The following SPINK5 variants were observed in gnomAD, a reference collection of about 807,000 sequenced individuals.
The protein encoded by SPINK5 is serine peptidase inhibitor Kazal type 5.
A neutral mutation model predicts 151.8 loss-of-function variants in SPINK5; 125 were observed. The ratio of observed to expected loss-of-function variants is 0.82; its 90% CI spans 0.71 to 0.96. The LOEUF (loss-of-function observed/expected upper bound fraction) is 0.96, where lower values mean the gene tolerates loss of function less well. Ranked by LOEUF, SPINK5 falls within the 40% of genes least tolerant of loss-of-function variation. The pLI is 0.00. For synonymous variants in SPINK5, 374 were observed against 395.3 expected (o/e 0.95, Z 0.64); for missense variants, 1,194 against 1,291.9 (o/e 0.92, Z 1.16).
At chr5:148,073,136 A>T (rs1181584219) in intron 4 of SPINK5, among the ~76,000 whole-genome samples, 2 of 151,918 alleles carry the variant, frequency 1.3e-5, no homozygotes, top group Non-Finnish European at 2.9e-5. Flanking sequence ...CACTACTCAC[A>T]TCACCCCAGG....
chr5:148,103,621 G>T (rs1753703445), intron 15 of SPINK5, among the ~76,000 whole-genome samples: 1 of 151,992 alleles, frequency 6.6e-6, no homozygotes, highest in South Asian at 2.1e-4. Flanking sequence ...CATAATTTTA[G>T]ATCTATTTTA....
chr5:148,068,702 T>C (rs1437251580), intron 2 of SPINK5, among the ~76,000 whole-genome samples: 2 of 152,048 alleles, frequency 1.3e-5, no homozygotes, highest in African/African-American at 4.8e-5. Flanking sequence ...AAGCAAAAGC[T>C]TTGTTTATTT....
chr5:148,067,335 A>C (rs1407248376), intron 2 of SPINK5, among the ~76,000 whole-genome samples: 1 of 152,164 alleles, frequency 6.6e-6, no homozygotes, highest in Non-Finnish European at 1.5e-5. Context: ...ACATGCTGAG[A>C]AAAAGAGAAT....
intron 12 of SPINK5, 60 bp from the exon 13 acceptor site, chr5:148,100,394 A>C: frequency 6.4e-7 from 1 of 1,558,236 alleles, no homozygotes; most frequent in Non-Finnish European, 8.8e-7. Context: ...TAGATGTTTG[A>C]ACCTTCTGCT....
chr5:148,127,065 T>G lies in SPINK5; in HGVS notation c.2950T>G (p.Ser984Ala). The change falls in exon 30 of 33, where the codon TCT becomes GCT. Residue 984 changes from serine (S) to alanine (A), a missense_variant. Coordinates refer to ENST00000256084, the MANE Select transcript of SPINK5 (RefSeq NM_006846.4). ...TTCTCAAGAGGAAGACAGCCCAGACTCTTTCAGTTCTCTGGTAAGGAGGAC... is the reference window on the plus strand; with the variant it reads ...TTCTCAAGAGGAAGACAGCCCAGACGCTTTCAGTTCTCTGGTAAGGAGGAC... ...RASQEEDSPD[S>A]FSSLDSEMCK... 6.2e-7 allele frequency: 1 copy of G among 1,613,170 alleles called. No homozygotes were observed. The highest frequency in any genetic ancestry group is 8.5e-7 in the Non-Finnish European group (1 of 1,179,434).
intron 30 of SPINK5, among the ~76,000 whole-genome samples, chr5:148,130,256 T>C (rs1345952139): frequency 6.6e-6 from 1 of 151,970 alleles, no homozygotes; most frequent in Non-Finnish European, 1.5e-5. Context: ...TCTTTGTGAT[T>C]CATTTCATTT....
At chr5:148,119,347 T>C (rs1009590559) in intron 24 of SPINK5, among the ~76,000 whole-genome samples, 1 of 152,198 alleles carries the variant, frequency 6.6e-6, no homozygotes, top group African/African-American at 2.4e-5. Flanking sequence ...ATTTCGTAGA[T>C]AGGGAAAATG....
intron 26 of SPINK5, among the ~76,000 whole-genome samples, chr5:148,121,361 C>T (rs1329680662): frequency 1.3e-5 from 2 of 151,662 alleles, no homozygotes; most frequent in African/African-American, 4.8e-5. Context: ...AGCGAAATTT[C>T]CCTGGGAAGA....
intron 16 of SPINK5, 105 bp downstream of exon 16, chr5:148,105,105 C>T (rs1753748023): frequency 7.8e-7 from 1 of 1,283,682 alleles, no homozygotes. Flanking sequence ...ATTTTCATGC[C>T]TGAAATAAAT....
intron 17 of SPINK5, 142 bp downstream of exon 17, chr5:148,107,306 A>C: frequency 8.6e-7 from 1 of 1,157,156 alleles, no homozygotes; most frequent in Non-Finnish European, 1.3e-6. Flanking sequence ...GACATTAAGT[A>C]ATATTGAATC....
chr5:148,124,998 G>A, intron 28 of SPINK5, 161 bp downstream of exon 28: 1 of 1,064,514 alleles, frequency 9.4e-7, no homozygotes, highest in Non-Finnish European at 1.2e-6. Flanking sequence ...GATTTTTGGG[G>A]GTTTGGGGGT....
At chr5:148,070,578 A>C in intron 3 of SPINK5, 128 bp downstream of exon 3, 1 of 1,193,916 alleles carries the variant, frequency 8.4e-7, no homozygotes, top group African/African-American at 1.5e-5. Flanking sequence ...AGTGCTGAGC[A>C]GATCACTCTG....
intron 31 of SPINK5, 39 bp downstream of exon 31, chr5:148,131,428 G>GAT (rs758949422): frequency 6.2e-7 from 1 of 1,612,728 alleles, no homozygotes; most frequent in Admixed American, 1.7e-5. Flanking sequence ...TTCCAGTTTA[G>GAT]AATTTCTCAG....
intron 29 of SPINK5, 33 bp downstream of exon 29, chr5:148,125,883 A>G (rs1754418837): frequency 1.9e-6 from 3 of 1,613,830 alleles, no homozygotes; most frequent in Non-Finnish European, 2.5e-6. Flanking sequence ...CCCTGTAGCT[A>G]GCAGGGGAAC....
In SPINK5 at chr5:148,070,333, A is replaced by G. The variant is rs1752703984; in HGVS notation, c.92A>G (p.His31Arg). The G allele has an allele frequency of 1.2e-6, 2 of 1,612,354 alleles. No individual in the cohort carries two copies. Among genetic ancestry groups the G allele is most frequent in the South Asian group, 1.1e-5 (1 of 91,068 alleles). Residue 31 changes from histidine to arginine, a missense_variant, in exon 3 of 33, where the codon CAT (histidine) becomes CGT (arginine). By Grantham distance (29) the His-to-Arg change is conservative. Transcript: ENST00000256084. Reference protein sequence around the residue: ...ASKNEDQEMCHEFQAFMKNGK... With the variant: ...ASKNEDQEMCREFQAFMKNGK... The stretch of plus-strand genomic sequence containing the variant: ...TTGGCATTATCTTAGGAAATGTGCC[A>G]TGAATTTCAGGCATTTATGAAAAAT...
chr5:148,066,110 G>A (rs988485077), intron 2 of SPINK5, among the ~76,000 whole-genome samples: 4 of 152,168 alleles, frequency 2.6e-5, no homozygotes, highest in African/African-American at 9.7e-5. Flanking sequence ...AAGGTCATAA[G>A]GGAATGAACC....
At chr5:148,101,102 A>T (rs1753630301) in intron 13 of SPINK5, among the ~76,000 whole-genome samples, 1 of 121,116 alleles carries the variant, frequency 8.3e-6, no homozygotes, top group South Asian at 2.7e-4. Flanking sequence ...TTTAAATCCC[A>T]AGTCTGTACT....
Position 148,114,381 on chromosome 5 carries a change from G to A in SPINK5, c.1907G>A (p.Arg636Gln), listed in dbSNP as rs758747211. 2.1e-5 allele frequency: 34 copies of A among 1,611,872 alleles called. No homozygotes were observed. Among genetic ancestry groups the A allele is most frequent in the Admixed American group, 3.3e-5 (2 of 59,848 alleles). Residue 636 changes from arginine (R) to glutamine (Q), a missense_variant, in exon 21 of 33, where the codon CGG (arginine) becomes CAG (glutamine). Physicochemically the swap from Arg to Gln is conservative, Grantham distance 43. Coordinates refer to ENST00000256084, the MANE Select transcript of SPINK5 (RefSeq NM_006846.4). ...TTTTAGGAGACATGCGATGAATTTC[G>A]GAGACTTTTGCAAAATGGAAAACTT... ...EAEKETCDEF[R>Q]RLLQNGKLFC...
chr5:148,081,726 C>T (rs182732163), intron 4 of SPINK5, among the ~76,000 whole-genome samples: 2 of 151,746 alleles, frequency 1.3e-5, no homozygotes, highest in South Asian at 2.1e-4. Context: ...CTAAAAATCA[C>T]TGAATCACTT....
Sources: allele counts gnomAD v4.1 joint callset (sites outside exome capture counted in the v4.1 genomes callset), GRCh38; gene constraint gnomAD v4.1.1; transcripts MANE v1.5; gene names NCBI Gene and HGNC (gene_info 2026-07-23, HGNC 2026-07-21).